The following WIF1 variants were observed in gnomAD, a reference collection of about 807,000 sequenced individuals.
WIF1 encodes Wnt inhibitory factor 1.
Under a neutral mutation model 53.5 loss-of-function variants are expected in WIF1, and 35 were observed. The ratio of observed to expected loss-of-function variants is 0.65; its 90% CI spans 0.50 to 0.87. WIF1 has a LOEUF of 0.87. WIF1 is among the 40% of genes least tolerant of loss of function. The pLI is 0.00. For synonymous variants in WIF1, 171 were observed against 170.4 expected (o/e 1.00, Z -0.03); for missense variants, 467 against 476.8 (o/e 0.98, Z 0.19).
At chr12:65,105,875 C>T (rs1389930043) in intron 2 of WIF1, among the ~76,000 whole-genome samples, 1 of 152,148 alleles carries the variant, frequency 6.6e-6, no homozygotes, top group African/African-American at 2.4e-5. Context: ...GCTTTAGATA[C>T]CAAGTGACAA....
chr12:65,105,505 G>C (rs1883339531), intron 2 of WIF1, among the ~76,000 whole-genome samples: 1 of 152,230 alleles, frequency 6.6e-6, no homozygotes, highest in African/African-American at 2.4e-5. Context: ...ACTAGCATCT[G>C]CTTGGCTTCT....
Position 65,083,617 on chromosome 12 carries a change from A to G in WIF1, c.289-5763T>C, listed in dbSNP as rs556949217. Among the ~76,000 whole-genome samples, 118 of 152,228 alleles carry G rather than the reference A, an allele frequency of 7.8e-4. 1 individual carries two copies. In the Middle Eastern group the frequency reaches 0.02, roughly 26 times the overall value. On this transcript the variant is annotated intron_variant, in intron 2 of 9. Transcript: ENST00000286574. ...CTGTAGACAGCAATGCTCAACATGA[A>G]CCATTCACATCCTTCTTCCAAAGCA...
chr12:65,057,592 G>T (rs574269742), intron 7 of WIF1, among the ~76,000 whole-genome samples: 2 of 100,890 alleles, frequency 2.0e-5, no homozygotes, highest in East Asian at 8.5e-4. Context: ...TGTAGATTTT[G>T]GTAGTGGAGG....
intron 2 of WIF1, chr12:65,083,751 C>A: frequency 3.3e-6 from 1 of 298,822 alleles, no homozygotes; most frequent in South Asian, 3.0e-5. Flanking sequence ...CTTTTCTTTC[C>A]TTTCCTTTCC....
At position 65,062,500 on chromosome 12, in the gene WIF1, C is replaced by G; in HGVS notation, c.807G>C (p.Glu269Asp). 6.2e-7 allele frequency: 1 copy of G among 1,607,270 alleles called. No individual in the cohort carries two copies. Among genetic ancestry groups the G allele is most frequent in the East Asian group, 2.2e-5 (1 of 44,824 alleles). The change falls in exon 7 of 10, where the codon GAG becomes GAC. Residue 269 changes from glutamate (E) to aspartate (D), a missense_variant. Transcript: ENST00000286574. Reference sequence around the variant, plus strand: ...ACTCACTGATTTCACACTGCTCTCCCTCTAGTCCTGGAGGGCAAATACATT... The same window carrying G: ...ACTCACTGATTTCACACTGCTCTCCGTCTAGTCCTGGAGGGCAAATACATT... ...PGKCICPPGLEGEQCEISKCP... is the reference protein window; with the variant it reads ...PGKCICPPGLDGEQCEISKCP...
chr12:65,055,983 G>C (rs1225991924), intron 8 of WIF1, 48 bp downstream of exon 8: 1 of 1,562,422 alleles, frequency 6.4e-7, no homozygotes, highest in Non-Finnish European at 8.8e-7. Context: ...ACTCCTGCTA[G>C]TTTAACGACC....
intron 2 of WIF1, among the ~76,000 whole-genome samples, chr12:65,118,108 C>T (rs1362922976): frequency 1.3e-5 from 2 of 152,200 alleles, no homozygotes; most frequent in Non-Finnish European, 2.9e-5. Context: ...TGCTAAAACA[C>T]TTAAATATAA....
At chr12:65,118,656 C>T (rs1175075421) in intron 2 of WIF1, among the ~76,000 whole-genome samples, 1 of 152,226 alleles carries the variant, frequency 6.6e-6, no homozygotes, top group Admixed American at 6.5e-5. Context: ...ATGCCAGTTC[C>T]ACTCTCCTCC....
intron 2 of WIF1, among the ~76,000 whole-genome samples, chr12:65,084,202 T>C (rs998997062): frequency 2.6e-5 from 4 of 152,210 alleles, no homozygotes; most frequent in African/African-American, 7.2e-5. Context: ...GAATCCAGCA[T>C]TTATTTCCTC....
chr12:65,107,891 C>G (rs182098228), intron 2 of WIF1, among the ~76,000 whole-genome samples: 4 of 152,258 alleles, frequency 2.6e-5, no homozygotes, highest in Admixed American at 1.3e-4. Context: ...ATATTCATCT[C>G]CAAAGAATTA....
At chr12:65,086,579 A>G (rs1979035) in intron 2 of WIF1, among the ~76,000 whole-genome samples, 115,087 of 152,050 alleles carry the variant, frequency 0.76, 43,699 homozygotes, top group East Asian at 1. Context: ...GCTAAGGCAA[A>G]ATGATGATTC....
chr12:65,068,682 T>C, intron 4 of WIF1, 82 bp downstream of exon 4: 1 of 1,395,820 alleles, frequency 7.2e-7, no homozygotes, highest in South Asian at 1.3e-5. Flanking sequence ...TGTGTGTGTG[T>C]GTGTATAGAT....
intron 2 of WIF1, among the ~76,000 whole-genome samples, chr12:65,110,270 C>T (rs1219461863): frequency 1.3e-5 from 2 of 151,588 alleles, no homozygotes; most frequent in Non-Finnish European, 2.9e-5. Context: ...TCCCCTGGCC[C>T]CCAATATTCT....
intron 3 of WIF1, among the ~76,000 whole-genome samples, chr12:65,070,570 C>G (rs1231675584): frequency 1.3e-5 from 2 of 152,004 alleles, no homozygotes; most frequent in Admixed American, 6.6e-5. Context: ...ACAGGTAGGC[C>G]AATAATTGCT....
At chr12:65,055,522 A>T (rs1386915562) in intron 8 of WIF1, among the ~76,000 whole-genome samples, 1 of 152,222 alleles carries the variant, frequency 6.6e-6, no homozygotes, top group Admixed American at 6.5e-5. Flanking sequence ...CTGTAATCCC[A>T]ACACTTTGGG....
chr12:65,077,706 A>C (rs769434586), intron 3 of WIF1, 40 bp downstream of exon 3: 7 of 1,391,792 alleles, frequency 5.0e-6, no homozygotes, highest in Non-Finnish European at 7.1e-6. Flanking sequence ...TCATCATTAC[A>C]TTTTAAGTGT....
chr12:65,086,418 T>C (rs191530901), intron 2 of WIF1, among the ~76,000 whole-genome samples: 29 of 152,150 alleles, frequency 1.9e-4, no homozygotes, highest in African/African-American at 7.0e-4. Context: ...TAGGCAACTA[T>C]GGTGGGGTAA....
chr12:65,116,587 A>G (rs1351372469), intron 2 of WIF1, among the ~76,000 whole-genome samples: 1 of 151,960 alleles, frequency 6.6e-6, no homozygotes, highest in Non-Finnish European at 1.5e-5. Context: ...AAAGTGCACT[A>G]TCCATGTAAT....
intron 3 of WIF1, among the ~76,000 whole-genome samples, chr12:65,069,109 G>A (rs1465645545): frequency 6.6e-6 from 1 of 152,140 alleles, no homozygotes; most frequent in Non-Finnish European, 1.5e-5. Context: ...AAGAAAGAGT[G>A]AATGACTCCA....
Sources: gnomAD v4.1 joint callset for allele counts (sites outside exome capture counted in the v4.1 genomes callset) on GRCh38, gnomAD v4.1.1 for gene constraint, MANE v1.5 for transcripts, NCBI Gene and HGNC (gene_info 2026-07-23, HGNC 2026-07-21) for gene names.